The following LTBP1 variants were observed in gnomAD, a reference collection of about 807,000 sequenced individuals.
The protein encoded by LTBP1 is latent-transforming growth factor beta-binding protein 1.
In LTBP1, 129 loss-of-function variants were observed where a neutral mutation model predicts 207.6. The ratio of observed to expected loss-of-function variants is 0.62; its 90% CI spans 0.54 to 0.72. The LOEUF (loss-of-function observed/expected upper bound fraction) is 0.72, where lower values mean the gene tolerates loss of function less well. LTBP1 is among the 30% of genes least tolerant of loss of function. The probability of loss-of-function intolerance (pLI) is 0.00; values close to 1 mark genes in which losing one functional copy is unlikely to be tolerated. For synonymous variants in LTBP1, 963 were observed against 833.7 expected (o/e 1.16, Z -2.67); for missense variants, 2,281 against 2,217.2 (o/e 1.03, Z -0.58).
chr2:32,960,766 G>A (rs756673632), intron 2 of LTBP1, among the ~76,000 whole-genome samples: 17 of 152,180 alleles, frequency 1.1e-4, no homozygotes, highest in Non-Finnish European at 2.4e-4. Flanking sequence ...AAGGGTCTGA[G>A]AGAAGAGTAT....
At chr2:33,341,729 A>AATATATATAT (rs56171359) in intron 24 of LTBP1, among the ~76,000 whole-genome samples, 1,645 of 93,446 alleles carry the variant, frequency 0.018, 73 homozygotes, top group African/African-American at 0.065. Context: ...AAAAAAAAAA[A>AATATATATAT]ATATATATAT....
chr2:33,048,330 C>A (rs1267273916), intron 3 of LTBP1, among the ~76,000 whole-genome samples: 1 of 152,164 alleles, frequency 6.6e-6, no homozygotes, highest in African/African-American at 2.4e-5. Context: ...TCAGAGGATT[C>A]TGGGAGTGCA....
chr2:33,267,854 G>C (rs938633035), intron 15 of LTBP1, among the ~76,000 whole-genome samples: 4 of 152,180 alleles, frequency 2.6e-5, no homozygotes, highest in African/African-American at 9.7e-5. Flanking sequence ...GAACTGCAGA[G>C]CTGGTTAAAA....
At chr2:33,084,436 C>T (rs1193701418) in intron 3 of LTBP1, among the ~76,000 whole-genome samples, 1 of 152,076 alleles carries the variant, frequency 6.6e-6, no homozygotes, top group Non-Finnish European at 1.5e-5. Flanking sequence ...TGTCTTTATC[C>T]TCATTGCGTC....
chr2:33,164,550 T>C (rs908011953), intron 5 of LTBP1, among the ~76,000 whole-genome samples: 5 of 152,054 alleles, frequency 3.3e-5, no homozygotes, highest in Admixed American at 3.3e-4. Context: ...GCTTTGACTT[T>C]ATGCAAGATC....
At chr2:33,196,804 T>G (rs926153532) in intron 7 of LTBP1, among the ~76,000 whole-genome samples, 3 of 152,172 alleles carry the variant, frequency 2.0e-5, no homozygotes, top group African/African-American at 7.2e-5. Flanking sequence ...TACTCTTAAT[T>G]ATCAGTCAAG....
chr2:33,078,857 C>CTTTTTTTTTTTTTTTTTTTTTT (rs879714056), intron 3 of LTBP1, among the ~76,000 whole-genome samples: 4 of 92,154 alleles, frequency 4.3e-5, no homozygotes, highest in Non-Finnish European at 6.7e-5. Flanking sequence ...CTTTTCTTTT[C>CTTTTTTTTTTTTTTTTTTTTTT]TTTTCTTTTT....
At chr2:32,971,798 A>G (rs1472578970) in intron 2 of LTBP1, among the ~76,000 whole-genome samples, 3 of 152,284 alleles carry the variant, frequency 2.0e-5, no homozygotes, top group African/African-American at 7.2e-5. Context: ...TTTTGGGATC[A>G]GAATGATGCT....
intron 11 of LTBP1, among the ~76,000 whole-genome samples, chr2:33,253,460 C>G (rs2092738589): frequency 6.6e-6 from 1 of 151,938 alleles, no homozygotes; most frequent in Admixed American, 6.6e-5. Flanking sequence ...CTTTAAATAC[C>G]TTCTACCAAT....
intron 2 of LTBP1, among the ~76,000 whole-genome samples, chr2:32,977,308 G>A (rs1054997386): frequency 9.9e-5 from 15 of 152,216 alleles, no homozygotes; most frequent in Non-Finnish European, 1.6e-4. Flanking sequence ...GCTATGAGCC[G>A]ACTGGGAGAG....
At position 33,164,352 on chromosome 2, in the gene LTBP1, G is replaced by GAAAA. The variant is rs56916166; in HGVS notation, c.1202-22479_1202-22476dup. Reference sequence around the variant, plus strand: ...GTGACAGAGCAAGACTTCCTCTCAGGAAAAAAAAAAAAAAAAAAAAAAAAA... The same window carrying GAAAA: ...GTGACAGAGCAAGACTTCCTCTCAGGAAAAAAAAAAAAAAAAAAAAAAAAAAAAA... On this transcript the variant is annotated intron_variant, in intron 5 of 33. Coordinates refer to ENST00000404816, the MANE Select transcript of LTBP1 (RefSeq NM_206943.4). Among the ~76,000 whole-genome samples, 186 of 28,218 alleles carry GAAAA rather than the reference G, an allele frequency of 6.6e-3. 9 individuals are homozygous for GAAAA. Among genetic ancestry groups the GAAAA allele is most frequent in the African/African-American group, 0.014 (124 of 8,568 alleles). 18.5% of individuals were successfully genotyped at this position (28,218 alleles called of 152,430 possible).
chr2:33,344,832 CA>C (rs1351974776), intron 25 of LTBP1, among the ~76,000 whole-genome samples: 1 of 152,062 alleles, frequency 6.6e-6, no homozygotes, highest in Non-Finnish European at 1.5e-5. Flanking sequence ...GTTTAACTAC[CA>C]ACTGTTTAAA....
intron 2 of LTBP1, among the ~76,000 whole-genome samples, chr2:32,949,315 T>C (rs1382340480): frequency 2.0e-5 from 3 of 152,238 alleles, no homozygotes; most frequent in Non-Finnish European, 4.4e-5. Context: ...AAGACATTCT[T>C]TACGGTGATG....
chr2:33,377,742 T>C (rs938023087), intron 31 of LTBP1, among the ~76,000 whole-genome samples: 5 of 152,172 alleles, frequency 3.3e-5, no homozygotes, highest in African/African-American at 1.2e-4. Context: ...CTACCTGAGA[T>C]GGGTAATTTA....
At chr2:33,379,871 C>T (rs2095192453) in intron 31 of LTBP1, among the ~76,000 whole-genome samples, 1 of 152,058 alleles carries the variant, frequency 6.6e-6, no homozygotes, top group Admixed American at 6.6e-5. Flanking sequence ...TATTCAGAAC[C>T]TTGAGATCTG....
chr2:33,341,729 A>AAAAAATATATATATAT lies in LTBP1; in HGVS notation c.3731-1108_3731-1107insAAAATATATATATATA, dbSNP rs745445793. ...CCGTCTCACTCAAAAAAAAAAAAAA[A>AAAAAATATATATATAT]ATATATATATATATATGTATATTTA... On this transcript the variant is annotated intron_variant, in intron 24 of 33. Transcript: ENST00000404816. Among the ~76,000 whole-genome samples the AAAAAATATATATATAT allele has an allele frequency of 3.6e-4, 34 of 93,610 alleles. No individual in the cohort carries two copies. In the South Asian group the frequency reaches 7.8e-3, roughly 22 times the overall value. The allele number at this position is 93,610 out of a possible 152,430, so 61.4% of individuals were successfully genotyped here. A position where few individuals can be genotyped will look rare whatever the true frequency, so the allele number is the denominator to read the frequency against.
chr2:33,268,247 T>A lies in LTBP1; in HGVS notation c.2617+4855T>A, dbSNP rs150604276. On this transcript the variant is annotated intron_variant, in intron 15 of 33. Transcript: ENST00000404816. The stretch of plus-strand genomic sequence containing the variant: ...GTTTCATATGGGAGCCAAACACAGA[T>A]TTAAGGAGCAATCTCATCAGTTCTC... Among the ~76,000 whole-genome samples, 152 of 152,306 alleles carry A rather than the reference T, an allele frequency of 1.0e-3. 2 individuals carry two copies. The highest frequency in any genetic ancestry group is 3.5e-3 in the African/African-American group (145 of 41,556).
At chr2:33,129,941 A>G (rs908709421) in intron 4 of LTBP1, among the ~76,000 whole-genome samples, 3 of 152,138 alleles carry the variant, frequency 2.0e-5, no homozygotes, top group Non-Finnish European at 2.9e-5. Context: ...GTTTTCCAGG[A>G]CTGGGGCTGC....
chr2:33,127,137 A>G (rs1322004641), intron 4 of LTBP1, among the ~76,000 whole-genome samples: 2 of 152,214 alleles, frequency 1.3e-5, no homozygotes, highest in East Asian at 1.9e-4. Context: ...GCACATCAAG[A>G]CATCTACTTC....
Sources: allele counts gnomAD v4.1 joint callset (sites outside exome capture counted in the v4.1 genomes callset), GRCh38; gene constraint gnomAD v4.1.1; transcripts MANE v1.5; gene names NCBI Gene and HGNC (gene_info 2026-07-23, HGNC 2026-07-21).